Variants in PTPRD observed in about 807,000 individuals in gnomAD.
PTPRD encodes the protein protein tyrosine phosphatase receptor type D.
A neutral mutation model predicts 214.5 loss-of-function variants in PTPRD; 34 were observed. That is an observed-to-expected ratio of 0.16 (90% CI 0.12 to 0.21). PTPRD has a LOEUF of 0.21. Ranked by LOEUF, PTPRD falls within the 10% of genes least tolerant of loss-of-function variation. PTPRD has a pLI of 1.00. For missense variants in PTPRD, 2,545 were observed against 2,398.7 expected, an observed-to-expected ratio of 1.06 and a Z score of -1.27; for synonymous variants, 1,128 against 845.7, an observed-to-expected ratio of 1.33 and a Z score of -5.79.
At chr9:8,371,325 T>G (rs2081442511) in intron 39 of PTPRD, among the ~76,000 whole-genome samples, 1 of 152,082 alleles carries the variant, frequency 6.6e-6, no homozygotes, top group South Asian at 2.1e-4. Context: ...ATGCCATATG[T>G]AATTCAACAA....
intron 3 of PTPRD, among the ~76,000 whole-genome samples, chr9:10,171,467 G>C (rs751809146): frequency 1.3e-5 from 2 of 152,084 alleles, no homozygotes; most frequent in African/African-American, 2.4e-5. Flanking sequence ...CAGCCACGTA[G>C]AACTGTGGCT....
intron 12 of PTPRD, among the ~76,000 whole-genome samples, chr9:8,711,617 G>C (rs2098333863): frequency 6.6e-6 from 1 of 152,152 alleles, no homozygotes; most frequent in South Asian, 2.1e-4. Context: ...TGCCCAGCAG[G>C]ACCATGTAGG....
chr9:9,427,288 T>C (rs1411265248), intron 8 of PTPRD, among the ~76,000 whole-genome samples: 2 of 152,196 alleles, frequency 1.3e-5, no homozygotes, highest in Non-Finnish European at 2.9e-5. Flanking sequence ...GTAGCCGATT[T>C]GATCAACTGG....
At chr9:9,350,166 A>G (rs1260001379) in intron 9 of PTPRD, among the ~76,000 whole-genome samples, 1 of 152,026 alleles carries the variant, frequency 6.6e-6, no homozygotes, top group Non-Finnish European at 1.5e-5. Context: ...TTTCAGCCTT[A>G]GTATCATAAA....
intron 14 of PTPRD, among the ~76,000 whole-genome samples, chr9:8,610,864 G>A (rs1291462893): frequency 6.6e-6 from 1 of 152,088 alleles, no homozygotes; most frequent in East Asian, 1.9e-4. Flanking sequence ...TAGATGAAAG[G>A]GCAACAACAA....
intron 11 of PTPRD, among the ~76,000 whole-genome samples, chr9:8,794,804 C>G (rs1356235624): frequency 6.6e-6 from 1 of 151,162 alleles, no homozygotes; most frequent in Non-Finnish European, 1.5e-5. Context: ...ATAATTGCAG[C>G]AACAATGCAA....
At chr9:10,476,610 A>C (rs954120898) in intron 2 of PTPRD, among the ~76,000 whole-genome samples, 4 of 152,118 alleles carry the variant, frequency 2.6e-5, no homozygotes, top group Admixed American at 6.6e-5. Context: ...GCTACCATTG[A>C]CCTTCTTCAC....
intron 3 of PTPRD, among the ~76,000 whole-genome samples, chr9:10,045,845 A>T (rs2097379765): frequency 6.6e-6 from 1 of 151,684 alleles, no homozygotes; most frequent in African/African-American, 2.4e-5. Context: ...TGATTTTTTT[A>T]AAAGGAGCTA....
At chr9:10,354,104 G>A (rs957213129) in intron 2 of PTPRD, among the ~76,000 whole-genome samples, 1 of 151,958 alleles carries the variant, frequency 6.6e-6, no homozygotes, top group African/African-American at 2.4e-5. Context: ...ACCCTCTCAA[G>A]TACTAGCCAT....
chr9:8,459,688 G>T (rs1294146655), intron 33 of PTPRD, among the ~76,000 whole-genome samples: 2 of 151,990 alleles, frequency 1.3e-5, no homozygotes, highest in African/African-American at 4.8e-5. Flanking sequence ...AAAAATGTGG[G>T]TAGACACAGA....
At chr9:9,426,565 T>C (rs1588093782) in intron 8 of PTPRD, among the ~76,000 whole-genome samples, 1 of 152,102 alleles carries the variant, frequency 6.6e-6, no homozygotes. Flanking sequence ...GTAGTGGATC[T>C]CCCAGCACGG....
intron 9 of PTPRD, among the ~76,000 whole-genome samples, chr9:9,201,442 A>T (rs904667570): frequency 6.6e-6 from 1 of 152,178 alleles, no homozygotes. Context: ...TACCAAGTTT[A>T]TTTTGATCAG....
intron 10 of PTPRD, among the ~76,000 whole-genome samples, chr9:9,182,051 T>G (rs1347908369): frequency 3.9e-5 from 6 of 152,054 alleles, no homozygotes. Context: ...TCAATTTGAC[T>G]GGGGGTATCC....
intron 7 of PTPRD, among the ~76,000 whole-genome samples, chr9:9,657,808 T>C (rs2096549003): frequency 6.6e-6 from 1 of 152,130 alleles, no homozygotes; most frequent in Non-Finnish European, 1.5e-5. Context: ...TTGATGGTGG[T>C]CTATGCCATA....
chr9:8,990,004 C>T (rs748330742), intron 11 of PTPRD, among the ~76,000 whole-genome samples: 1 of 152,030 alleles, frequency 6.6e-6, no homozygotes, highest in African/African-American at 2.4e-5. Flanking sequence ...ATCATAAAAC[C>T]ATAATAATCT....
At chr9:9,236,135 C>A (rs936427872) in intron 9 of PTPRD, among the ~76,000 whole-genome samples, 1 of 152,032 alleles carries the variant, frequency 6.6e-6, no homozygotes, top group African/African-American at 2.4e-5. Context: ...CACCTGTAAC[C>A]CCAGCTACCC....
chr9:10,159,669 T>A (rs1448456417), intron 3 of PTPRD, among the ~76,000 whole-genome samples: 1 of 149,338 alleles, frequency 6.7e-6, no homozygotes, highest in East Asian at 1.9e-4. Context: ...AAATAATTTT[T>A]AAAATCAAAC....
At chr9:9,945,640 T>C (rs2092439201) in intron 4 of PTPRD, among the ~76,000 whole-genome samples, 1 of 152,174 alleles carries the variant, frequency 6.6e-6, no homozygotes, top group Non-Finnish European at 1.5e-5. Context: ...AGATGTGCTC[T>C]AGTAAAATTG....
chr9:8,740,302 C>T (rs2091588550), intron 11 of PTPRD, among the ~76,000 whole-genome samples: 1 of 152,140 alleles, frequency 6.6e-6, no homozygotes, highest in Non-Finnish European at 1.5e-5. Flanking sequence ...GCGTTTCATA[C>T]TTCATTGTAT....
Sources: allele counts gnomAD v4.1 joint callset (sites outside exome capture counted in the v4.1 genomes callset), GRCh38; gene constraint gnomAD v4.1.1; transcripts MANE v1.5; gene names NCBI Gene and HGNC (gene_info 2026-07-23, HGNC 2026-07-21).